Variants in PREX1 observed in about 807,000 individuals in gnomAD.
PREX1 encodes the protein phosphatidylinositol-3,4,5-trisphosphate dependent Rac exchange factor 1, also known as phosphatidylinositol 3,4,5-trisphosphate-dependent Rac exchanger 1 protein.
Under a neutral mutation model 198.3 loss-of-function variants are expected in PREX1, and 41 were observed. That is an observed-to-expected ratio of 0.21 (90% CI 0.16 to 0.27). PREX1 has a LOEUF of 0.27. Ranked by LOEUF, PREX1 falls within the 10% of genes least tolerant of loss-of-function variation. The pLI, the probability that PREX1 is intolerant of heterozygous loss-of-function variation, is 1.00. For missense variants in PREX1, 1,620 were observed against 2,200.7 expected, an observed-to-expected ratio of 0.74 and a Z score of 5.28; for synonymous variants, 843 against 887.2, an observed-to-expected ratio of 0.95 and a Z score of 0.89.
chr20:48,768,894 C>T (rs1255218777), intron 1 of PREX1, among the ~76,000 whole-genome samples: 1 of 152,022 alleles, frequency 6.6e-6, no homozygotes, highest in Non-Finnish European at 1.5e-5. Context: ...TACGTAATCA[C>T]CAATGGAGCT....
intron 1 of PREX1, among the ~76,000 whole-genome samples, chr20:48,814,870 AT>A (rs2090453053): frequency 6.6e-6 from 1 of 152,224 alleles, no homozygotes; most frequent in Non-Finnish European, 1.5e-5. Flanking sequence ...GTCAGAATGG[AT>A]TTAGAAAAGC....
In PREX1 at chr20:48,629,601, G is replaced by A; in HGVS notation, c.4614C>T (p.Ala1538=). The change falls in exon 37 of 40, where the codon GCC becomes GCT. Residue 1538 remains alanine, a synonymous_variant. Coordinates refer to ENST00000371941, the MANE Select transcript of PREX1 (RefSeq NM_020820.4). ...TCATGAGGCGGCAGAGCTCATCCAG[G>A]GCATTGATGGGGCGGATCAGCTGTA... The part of the protein sequence containing the change: ...KIDQLIRPIN[A]LDELCRLMKS... 1 of 1,614,038 alleles carries A rather than the reference G, an allele frequency of 6.2e-7. No individual in the cohort carries two copies. The highest frequency in any genetic ancestry group is 8.5e-7 in the Non-Finnish European group (1 of 1,179,954).
rs548954099 is a variant in PREX1, at chr20:48,780,712, G to A, written c.220-32832C>T. Among the ~76,000 whole-genome samples the A allele has an allele frequency of 8.9e-4, 135 of 152,296 alleles. 2 individuals carry two copies. The Middle Eastern group carries it at 0.01, about 12-fold the overall frequency. On this transcript the variant is annotated intron_variant, in intron 1 of 39. Coordinates refer to ENST00000371941, the MANE Select transcript of PREX1 (RefSeq NM_020820.4). Reference sequence around the variant, plus strand: ...AGGAGTGAAGGAAATAGAAAGCCACGACTGGAAGACCACAGTAAGAGCTAT... The same window carrying A: ...AGGAGTGAAGGAAATAGAAAGCCACAACTGGAAGACCACAGTAAGAGCTAT...
chr20:48,768,774 C>CAA (rs376176861), intron 1 of PREX1, among the ~76,000 whole-genome samples: 8 of 133,662 alleles, frequency 6.0e-5, no homozygotes, highest in Admixed American at 1.5e-4. Context: ...GACTCTGCCT[C>CAA]AAAAAAAAAA....
the PREX1 span, among the ~76,000 whole-genome samples, chr20:48,883,580 A>C: frequency 6.6e-6 from 1 of 152,168 alleles, no homozygotes; most frequent in East Asian, 1.9e-4. Context: ...ACAAAAATTT[A>C]TCTCTATGAA....
At chr20:48,717,619 C>T (rs1431087619) in intron 5 of PREX1, among the ~76,000 whole-genome samples, 1 of 152,132 alleles carries the variant, frequency 6.6e-6, no homozygotes, top group African/African-American at 2.4e-5. Flanking sequence ...TGCATGCATG[C>T]AAATCATATG....
intron 19 of PREX1, among the ~76,000 whole-genome samples, chr20:48,654,976 C>G (rs117107707): frequency 6.6e-6 from 1 of 152,192 alleles, no homozygotes; most frequent in Non-Finnish European, 1.5e-5. Flanking sequence ...GAGAGTGGAC[C>G]CACATTCCTG....
At chr20:48,799,577 A>G (rs2090377234) in intron 1 of PREX1, among the ~76,000 whole-genome samples, 1 of 152,218 alleles carries the variant, frequency 6.6e-6, no homozygotes, top group Non-Finnish European at 1.5e-5. Flanking sequence ...CTGGGGCCCC[A>G]GTCTTATCCT....
chr20:48,724,620 A>T (rs528310780), intron 5 of PREX1, among the ~76,000 whole-genome samples: 1 of 152,338 alleles, frequency 6.6e-6, no homozygotes, highest in South Asian at 2.1e-4. Flanking sequence ...CGTTTAACAA[A>T]GCTTTTAAAA....
chr20:48,887,826 T>G, the PREX1 span, among the ~76,000 whole-genome samples: 1 of 151,622 alleles, frequency 6.6e-6, no homozygotes, highest in Non-Finnish European at 1.5e-5. Context: ...GGCGGGCTCC[T>G]GTAGTTCCAG....
At chr20:48,832,124 AT>A (rs1384505409), upstream of PREX1, among the ~76,000 whole-genome samples, 6 of 147,722 alleles carry the variant, frequency 4.1e-5, no homozygotes, top group Non-Finnish European at 9.0e-5. Context: ...AAAAAAAAAA[AT>A]TGCAGTTCAG....
rs150160650 is a variant in PREX1 at position 48,659,412 on chromosome 20, G to A, written c.1881+507C>T. ...GGTTTAATTTTATCCTAAGTGTGAC[G>A]GGAAGCATTGGGGGACTTTACAGTG... On this transcript the variant is annotated intron_variant, in intron 16 of 39. Coordinates refer to ENST00000371941, the MANE Select transcript of PREX1 (RefSeq NM_020820.4). Among the ~76,000 whole-genome samples, 173 of 152,044 alleles carry A rather than the reference G, an allele frequency of 1.1e-3. 1 individual carries two copies. The highest frequency in any genetic ancestry group is 3.8e-3 in the African/African-American group (157 of 41,450).
At chr20:48,661,137 C>T (rs188627646) in intron 15 of PREX1, among the ~76,000 whole-genome samples, 1 of 151,976 alleles carries the variant, frequency 6.6e-6, no homozygotes, top group African/African-American at 2.4e-5. Context: ...ATACTGACGC[C>T]GGCCAGAGGC....
At chr20:48,745,474 T>C (rs915377381) in intron 2 of PREX1, among the ~76,000 whole-genome samples, 1 of 152,200 alleles carries the variant, frequency 6.6e-6, no homozygotes, top group Non-Finnish European at 1.5e-5. Context: ...GATAAAATAA[T>C]ATTCCCAAGG....
intron 1 of PREX1, among the ~76,000 whole-genome samples, chr20:48,794,186 T>C (rs980042416): frequency 2.6e-5 from 4 of 152,260 alleles, no homozygotes; most frequent in Non-Finnish European, 5.9e-5. Context: ...GCCCTGTCTC[T>C]GAGCACGGAA....
the PREX1 span, among the ~76,000 whole-genome samples, chr20:48,862,807 A>ATATATATATATATATATG: frequency 3.2e-5 from 4 of 126,686 alleles, no homozygotes; most frequent in African/African-American, 1.3e-4. Context: ...ATATATATAT[A>ATATATATATATATATATG]TATATACTAA....
At chr20:48,803,406 C>T (rs1377711528) in intron 1 of PREX1, among the ~76,000 whole-genome samples, 4 of 152,066 alleles carry the variant, frequency 2.6e-5, no homozygotes, top group East Asian at 3.8e-4. Context: ...GCAGACTCCC[C>T]GAAAGCCATG....
At chr20:48,709,542 C>A (rs1287035035) in intron 5 of PREX1, among the ~76,000 whole-genome samples, 2 of 152,202 alleles carry the variant, frequency 1.3e-5, no homozygotes, top group Non-Finnish European at 2.9e-5. Flanking sequence ...GTCTACTGAG[C>A]CTTCGCCCCA....
the PREX1 span, among the ~76,000 whole-genome samples, chr20:48,868,896 A>G: frequency 6.6e-6 from 1 of 151,460 alleles, no homozygotes; most frequent in Non-Finnish European, 1.5e-5. Context: ...TTTTTCTTTG[A>G]GACAGAGTTT....
Sources: gnomAD v4.1 joint callset for allele counts (sites outside exome capture counted in the v4.1 genomes callset) on GRCh38, gnomAD v4.1.1 for gene constraint, MANE v1.5 for transcripts, NCBI Gene and HGNC (gene_info 2026-07-23, HGNC 2026-07-21) for gene names.